Variants in MYH11 observed in about 807,000 individuals in gnomAD.
MYH11 encodes the protein myosin heavy chain 11.
Under a neutral mutation model 246.6 loss-of-function variants are expected in MYH11, and 80 were observed. The ratio of observed to expected loss-of-function variants is 0.32; its 90% CI spans 0.27 to 0.39. MYH11 has a LOEUF of 0.39. Among genes scored for constraint, MYH11 ranks in the 10% least tolerant of loss-of-function variants. The probability of loss-of-function intolerance (pLI) is 1.00; values close to 1 mark genes in which losing one functional copy is unlikely to be tolerated. For synonymous variants in MYH11, 1,071 were observed against 1,015.5 expected, an observed-to-expected ratio of 1.05 and a Z score of -1.04; for missense variants, 2,158 against 2,546.8, an observed-to-expected ratio of 0.85 and a Z score of 3.29.
chr16:15,820,890 T>C (rs1430551397), intron 3 of MYH11, among the ~76,000 whole-genome samples: 1 of 152,192 alleles, frequency 6.6e-6, no homozygotes, highest in Non-Finnish European at 1.5e-5. Flanking sequence ...TCTTTTCTTT[T>C]GAGACAAGGT....
chr16:15,725,414 G>T, intron 28 of MYH11: 1 of 501,496 alleles, frequency 2.0e-6, no homozygotes, highest in Non-Finnish European at 3.5e-6. Flanking sequence ...GTACTTGAAC[G>T]TCCCAGGGAT....
intron 40 of MYH11, chr16:15,708,880 A>C (rs959995310): frequency 1.3e-6 from 2 of 1,595,856 alleles, no homozygotes; most frequent in African/African-American, 2.7e-5. Context: ...TACCATCAGC[A>C]AACAAGAAGG....
intron 26 of MYH11, among the ~76,000 whole-genome samples, chr16:15,733,578 C>T (rs373518056): frequency 1.3e-5 from 2 of 151,082 alleles, no homozygotes; most frequent in East Asian, 3.9e-4. Context: ...AGTCTTGCTC[C>T]GTCGTCCAGA....
chr16:15,823,257 T>C lies in MYH11; in HGVS notation c.500A>G (p.Gln167Arg). 1 of 1,614,182 alleles carries C rather than the reference T, an allele frequency of 6.2e-7. No individual in the cohort carries two copies. The highest frequency in any genetic ancestry group is 8.5e-7 in the Non-Finnish European group (1 of 1,180,042). ...IADTAYRSML[Q>R]DREDQSILCT... ...CGTGCAGCCCTGAGTTCACTCACCT[T>C]GAAGCATGCTCCGGTAGGCCGTGTC... Residue 167 changes from glutamine to arginine, a missense_variant and splice_region_variant, in exon 3 of 41, where the codon CAA becomes CGA. Gln to Arg is a conservative substitution (Grantham distance 43). Coordinates refer to ENST00000300036, the MANE Select transcript of MYH11 (RefSeq NM_002474.3).
At position 15,782,246 on chromosome 16, in the gene MYH11, C is replaced by T. The variant is rs1039095285; in HGVS notation, c.726+139G>A. On this transcript the variant is annotated intron_variant, in intron 6 of 40. Coordinates refer to ENST00000300036, the MANE Select transcript of MYH11 (RefSeq NM_002474.3). ...TGAATGAGAGAGTGAGAGGCAGGAG[C>T]CCTTGCAAGATTGTGAGATACAGCC... 3 of 730,866 alleles carry T rather than the reference C, an allele frequency of 4.1e-6. No individual in the cohort carries two copies. The African/African-American group carries it at 5.2e-5, about 13-fold the overall frequency. The allele number at this position is 730,866 out of a possible 1,614,324, so 45.3% of individuals were successfully genotyped here.
chr16:15,784,231 G>C, intron 5 of MYH11, among the ~76,000 whole-genome samples: 1 of 152,134 alleles, frequency 6.6e-6, no homozygotes, highest in South Asian at 2.1e-4. Context: ...GCTGAGGGAA[G>C]ACACTTAGGG....
intron 33 of MYH11, 61 bp from the exon 34 acceptor site, chr16:15,720,373 C>T (rs1278900721): frequency 6.4e-7 from 1 of 1,564,648 alleles, no homozygotes; most frequent in African/African-American, 1.4e-5. Flanking sequence ...TTTGGCTCAC[C>T]TAGGCAGCAC....
intron 1 of MYH11, among the ~76,000 whole-genome samples, chr16:15,853,221 C>T (rs765211221): frequency 2.0e-5 from 3 of 152,108 alleles, no homozygotes; most frequent in South Asian, 2.1e-4. Flanking sequence ...TCAGGGCCCA[C>T]GGCAGCCTTG....
At chr16:15,710,428 G>A (rs2039714330) in intron 40 of MYH11, among the ~76,000 whole-genome samples, 1 of 152,180 alleles carries the variant, frequency 6.6e-6, no homozygotes, top group Non-Finnish European at 1.5e-5. Flanking sequence ...GGCTGAGGCA[G>A]GAGAATCGCT....
chr16:15,759,868 A>C (rs2041826496), intron 11 of MYH11, 140 bp from the exon 12 acceptor site: 1 of 1,081,686 alleles, frequency 9.2e-7, no homozygotes, highest in Admixed American at 2.3e-5. Context: ...AGGCCGAGGC[A>C]GGTGGGTCAC....
Position 15,758,000 on chromosome 16 carries a change from C to A in MYH11, c.1402G>T (p.Val468Leu). Residue 468 changes from valine (V) to leucine (L), a missense_variant and splice_region_variant, in exon 13 of 41, where the codon GTG becomes TTG. Physicochemically the swap from Val to Leu is conservative, Grantham distance 32. Around this residue, in one of 11 missense-constraint regions of MYH11, gnomAD observed 317 missense variants for 507.7 expected, o/e 0.62. Transcript: ENST00000300036. ...LDIAGFEIFE[V>L]NSFEQLCINY... Reference sequence around the variant, plus strand: ...ATGCACAGCTGCTCGAAGGAGTTCACCTGAGCACATGGCGTGGGGGCGGGG... The same window carrying A: ...ATGCACAGCTGCTCGAAGGAGTTCAACTGAGCACATGGCGTGGGGGCGGGG... The A allele has an allele frequency of 6.2e-7, 1 of 1,613,784 alleles. No homozygotes were observed. The highest frequency in any genetic ancestry group is 8.5e-7 in the Non-Finnish European group (1 of 1,180,026).
In MYH11 at chr16:15,717,278, T is replaced by C; in HGVS notation, c.5366A>G (p.Gln1789Arg). The change falls in exon 38 of 41, where the codon CAG becomes CGG. Residue 1789 changes from glutamine to arginine, a missense_variant. Transcript: ENST00000300036. ...TAQKNESARQQLERQNKELRS... is the reference protein window; with the variant it reads ...TAQKNESARQRLERQNKELRS... ...GAGCTCCTTGTTCTGCCGCTCGAGC[T>C]GCTGCCGGGCACTCTCATTCTTCTG... 1 of 1,613,854 alleles carries C rather than the reference T, an allele frequency of 6.2e-7. No individual in the cohort carries two copies. Among genetic ancestry groups the C allele is most frequent in the Non-Finnish European group, 8.5e-7 (1 of 1,180,048 alleles).
At chr16:15,796,111 G>A (rs933492612) in intron 4 of MYH11, among the ~76,000 whole-genome samples, 5 of 152,106 alleles carry the variant, frequency 3.3e-5, no homozygotes, top group Admixed American at 1.3e-4. Flanking sequence ...AGGAAGAGGC[G>A]GTGGAGTCAG....
At chr16:15,830,752 C>A (rs991960670) in intron 2 of MYH11, among the ~76,000 whole-genome samples, 1 of 151,900 alleles carries the variant, frequency 6.6e-6, no homozygotes, top group Non-Finnish European at 1.5e-5. Context: ...GTGATGCACA[C>A]CTGTAATCCC....
intron 36 of MYH11, chr16:15,718,851 G>A (rs1465960421): frequency 2.5e-6 from 1 of 406,938 alleles, no homozygotes; most frequent in African/African-American, 2.0e-5. Context: ...TCCAGGGCCA[G>A]GCACGGTGGC....
chr16:15,735,328 G>C (rs1567712571), intron 26 of MYH11, 38 bp downstream of exon 26: 3 of 1,593,340 alleles, frequency 1.9e-6, no homozygotes, highest in Non-Finnish European at 2.6e-6. Flanking sequence ...CATTGGTGCA[G>C]TGGGATAGCA....
At chr16:15,847,913 G>A (rs2044237319) in intron 1 of MYH11, among the ~76,000 whole-genome samples, 1 of 152,112 alleles carries the variant, frequency 6.6e-6, no homozygotes, top group East Asian at 1.9e-4. Flanking sequence ...TATCTGGGCT[G>A]GGGTGGAGCT....
At chr16:15,771,914 G>C (rs937356504) in intron 8 of MYH11, among the ~76,000 whole-genome samples, 1 of 151,976 alleles carries the variant, frequency 6.6e-6, no homozygotes, top group Non-Finnish European at 1.5e-5. Flanking sequence ...GTTGTGCACT[G>C]CTCCAGTGAC....
At chr16:15,818,295 A>T (rs2043312452) in intron 3 of MYH11, among the ~76,000 whole-genome samples, 1 of 152,192 alleles carries the variant, frequency 6.6e-6, no homozygotes, top group East Asian at 1.9e-4. Context: ...TTATCAATGG[A>T]GTCAACACAC....
Sources: allele counts gnomAD v4.1 joint callset (sites outside exome capture counted in the v4.1 genomes callset), GRCh38; gene constraint gnomAD v4.1.1; regional missense constraint gnomAD v4.1.1; transcripts MANE v1.5; gene names NCBI Gene and HGNC (gene_info 2026-07-23, HGNC 2026-07-21).